PTPRD: variants seen among roughly 807,000 people sequenced by gnomAD.
The protein encoded by PTPRD is protein tyrosine phosphatase receptor type D.
PTPRD carries 34 observed loss-of-function variants against 214.5 expected under a neutral mutation model. The ratio of observed to expected loss-of-function variants is 0.16; its 90% CI spans 0.12 to 0.21. The LOEUF is 0.21. PTPRD is among the 10% of genes least tolerant of loss of function. PTPRD has a pLI of 1.00. For missense variants in PTPRD, 2,545 were observed against 2,398.7 expected (o/e 1.06, Z -1.27); for synonymous variants, 1,128 against 845.7 (o/e 1.33, Z -5.79).
intron 8 of PTPRD, among the ~76,000 whole-genome samples, chr9:9,404,027 C>A (rs767403742): frequency 1.1e-4 from 17 of 151,866 alleles, no homozygotes; most frequent in Non-Finnish European, 2.1e-4. Context: ...AGTTAGTACA[C>A]AAGGACTTGT....
At chr9:9,774,061 T>TTGCACTAAG (rs2154484391) in intron 5 of PTPRD, among the ~76,000 whole-genome samples, 1 of 152,320 alleles carries the variant, frequency 6.6e-6, no homozygotes, top group African/African-American at 2.4e-5. Flanking sequence ...TACTCTGCCT[T>TTGCACTAAG]TGCACTAAGG....
At chr9:10,059,796 A>T (rs901261288) in intron 3 of PTPRD, among the ~76,000 whole-genome samples, 1 of 150,248 alleles carries the variant, frequency 6.7e-6, no homozygotes, top group Admixed American at 6.6e-5. Context: ...AAAAAAAAAC[A>T]CTAAGCTTTA....
At chr9:9,223,826 G>A (rs746791436) in intron 9 of PTPRD, among the ~76,000 whole-genome samples, 3 of 151,850 alleles carry the variant, frequency 2.0e-5, no homozygotes, top group Non-Finnish European at 2.9e-5. Context: ...TGAAGAGTTC[G>A]GCTGAGTACA....
chr9:9,276,306 T>C (rs916970843), intron 9 of PTPRD, among the ~76,000 whole-genome samples: 1 of 151,414 alleles, frequency 6.6e-6, no homozygotes, highest in Non-Finnish European at 1.5e-5. Flanking sequence ...AGAAATAATA[T>C]ATTGTATAAT....
chr9:10,468,728 T>G (rs2099010901), intron 2 of PTPRD, among the ~76,000 whole-genome samples: 1 of 152,112 alleles, frequency 6.6e-6, no homozygotes, highest in Admixed American at 6.5e-5. Flanking sequence ...ATGTCTTTCC[T>G]CTCAATGACA....
At chr9:9,583,584 TA>T (rs1314991896) in intron 7 of PTPRD, among the ~76,000 whole-genome samples, 3 of 152,072 alleles carry the variant, frequency 2.0e-5, no homozygotes, top group African/African-American at 7.2e-5. Flanking sequence ...ACTACGCATT[TA>T]AGAAGAAATT....
intron 3 of PTPRD, among the ~76,000 whole-genome samples, chr9:10,283,648 T>C (rs572545759): frequency 6.6e-6 from 1 of 152,186 alleles, no homozygotes; most frequent in African/African-American, 2.4e-5. Context: ...CAGGTCTCCA[T>C]TGATATAGGT....
intron 2 of PTPRD, among the ~76,000 whole-genome samples, chr9:10,373,671 T>C (rs908789625): frequency 2.6e-5 from 4 of 152,094 alleles, no homozygotes; most frequent in African/African-American, 9.7e-5. Flanking sequence ...TGCCTCAATT[T>C]CTCTTTTTTC....
intron 10 of PTPRD, among the ~76,000 whole-genome samples, chr9:9,074,652 G>T (rs1457637385): frequency 1.3e-5 from 2 of 151,848 alleles, no homozygotes; most frequent in Non-Finnish European, 2.9e-5. Context: ...TTTGCCATTT[G>T]TATGTCTTCT....
chr9:8,329,467 G>A (rs979524158), intron 44 of PTPRD, among the ~76,000 whole-genome samples: 5 of 152,132 alleles, frequency 3.3e-5, no homozygotes, highest in African/African-American at 1.2e-4. Context: ...ACTGTGAGGT[G>A]TCACCCAGTC....
At chr9:9,376,499 G>C (rs2060842853) in intron 9 of PTPRD, among the ~76,000 whole-genome samples, 1 of 152,044 alleles carries the variant, frequency 6.6e-6, no homozygotes, top group African/African-American at 2.4e-5. Context: ...TTTCACCTTT[G>C]AGCCCAAGCC....
At chr9:9,497,580 T>C (rs528156277) in intron 8 of PTPRD, among the ~76,000 whole-genome samples, 1 of 152,188 alleles carries the variant, frequency 6.6e-6, no homozygotes, top group Non-Finnish European at 1.5e-5. Context: ...TATTTTTATT[T>C]GGACTGGTTT....
intron 12 of PTPRD, among the ~76,000 whole-genome samples, chr9:8,668,461 C>T (rs1354327925): frequency 1.3e-5 from 2 of 152,156 alleles, no homozygotes; most frequent in African/African-American, 4.8e-5. Flanking sequence ...CAGGCAACTG[C>T]AAGATTAAGC....
chr9:8,991,542 T>G lies in PTPRD; in HGVS notation c.-104+27155A>C, dbSNP rs10977427. 8.3e-3 allele frequency among the ~76,000 whole-genome samples: 1,257 copies of G among 152,216 alleles called. 9 individuals carry two copies. Among genetic ancestry groups the G allele is most frequent in the Non-Finnish European group, 0.014 (968 of 68,010 alleles). ...CAGTCCTGTATGAAGGACTTGTGTA[T>G]CTACATATTCCTAGTTCATTTGTGT... On this transcript the variant is annotated intron_variant, in intron 11 of 45. Transcript: ENST00000381196.
rs184950900 is a variant in PTPRD, at chr9:8,676,635, G to A, written c.65-39791C>T. Among the ~76,000 whole-genome samples, 263 of 152,042 alleles carry A rather than the reference G, an allele frequency of 1.7e-3. 1 individual carries two copies. The highest frequency in any genetic ancestry group is 0.015 in the East Asian group (79 of 5,148). On this transcript the variant is annotated intron_variant, in intron 12 of 45. Coordinates refer to ENST00000381196, the MANE Select transcript of PTPRD (RefSeq NM_002839.4). ...GTTGCCCAGGCTGGAGTGCAATGGC[G>A]CGATCTCGGCTCACCGCCACCACTG...
chr9:10,606,723 T>G (rs1047069585), intron 2 of PTPRD, among the ~76,000 whole-genome samples: 1 of 151,782 alleles, frequency 6.6e-6, no homozygotes, highest in Non-Finnish European at 1.5e-5. Context: ...ATGTTACATG[T>G]GGGTAGTAGT....
At chr9:9,016,507 G>C (rs956236879) in intron 11 of PTPRD, among the ~76,000 whole-genome samples, 2 of 152,188 alleles carry the variant, frequency 1.3e-5, no homozygotes, top group African/African-American at 4.8e-5. Flanking sequence ...AACCAGCCTA[G>C]TACTGGTTAA....
At chr9:9,321,926 A>G (rs1369322714) in intron 9 of PTPRD, among the ~76,000 whole-genome samples, 1 of 152,184 alleles carries the variant, frequency 6.6e-6, no homozygotes. Context: ...GAGGTACTTT[A>G]TCGCTCTCAT....
At chr9:10,355,758 G>T (rs749812822) in intron 2 of PTPRD, among the ~76,000 whole-genome samples, 2 of 152,036 alleles carry the variant, frequency 1.3e-5, no homozygotes, top group East Asian at 3.9e-4. Flanking sequence ...GATTACAGGC[G>T]TGAGCCACCG....
Sources: gnomAD v4.1 joint callset for allele counts (sites outside exome capture counted in the v4.1 genomes callset) on GRCh38, gnomAD v4.1.1 for gene constraint, MANE v1.5 for transcripts, NCBI Gene and HGNC (gene_info 2026-07-23, HGNC 2026-07-21) for gene names.